Variants in AGR2 observed in about 807,000 individuals in gnomAD.
AGR2 encodes the protein anterior gradient 2, protein disulphide isomerase family member, also known as anterior gradient protein 2 homolog.
In AGR2, 27 loss-of-function variants were observed where a neutral mutation model predicts 25.9. The observed-to-expected ratio is 1.04, with a 90% CI of 0.77 to 1.44. The LOEUF (loss-of-function observed/expected upper bound fraction) is 1.44. AGR2 is among the 40% of genes most tolerant of loss of function. The pLI is 0.00. For missense variants in AGR2, 182 were observed against 200.9 expected (o/e 0.91, Z 0.57); for synonymous variants, 78 against 72.0 (o/e 1.08, Z -0.42).
chr7:16,792,978 G>T, intron 7 of AGR2, 21 bp from the exon 8 acceptor site: 1 of 1,611,050 alleles, frequency 6.2e-7, no homozygotes, highest in Non-Finnish European at 8.5e-7. Flanking sequence ...ATAAAAGCAG[G>T]AGAGTCAAGA....
At chr7:16,798,980 T>C (rs1010580758) in intron 5 of AGR2, among the ~76,000 whole-genome samples, 3 of 152,180 alleles carry the variant, frequency 2.0e-5, no homozygotes, top group Non-Finnish European at 2.9e-5. Context: ...TAGGAATTAT[T>C]AGTGTGTCGG....
chr7:16,793,073 C>CCTTGTCTCAA, intron 7 of AGR2, 116 bp from the exon 8 acceptor site: 5 of 939,270 alleles, frequency 5.3e-6, no homozygotes, highest in Non-Finnish European at 8.3e-6. Context: ...TTTTTTGAGA[C>CCTTGTCTCAA]AAGGTCTCAC....
intron 4 of AGR2, among the ~76,000 whole-genome samples, chr7:16,800,731 G>C (rs1331547134): frequency 6.6e-6 from 1 of 152,088 alleles, no homozygotes; most frequent in African/African-American, 2.4e-5. Context: ...AAAGGGTAGA[G>C]CCCCTTGTTG....
rs931411862 is a variant in AGR2, at chr7:16,801,207, T to C, written c.204-4A>G. The C allele has an allele frequency of 3.1e-6, 5 of 1,613,868 alleles. No homozygotes were observed. Among genetic ancestry groups the C allele is most frequent in the Non-Finnish European group, 4.2e-6 (5 of 1,179,838 alleles). On this transcript the variant is annotated splice_region_variant and splice_polypyrimidine_tract_variant and intron_variant, in intron 3 of 7. Transcript: ENST00000419304. ...AATAATCATCAAGGGTTTGTTGCTT[T>C]AAAAGACAGAGATTAGACAAATTTT...
At position 16,795,038 on chromosome 7, in the gene AGR2, CA is replaced by C. The variant is rs758112259; in HGVS notation, c.395-20del. The stretch of plus-strand genomic sequence containing the variant: ...GATGGGTCTGCAAAGATAAATGAAG[CA>C]AAAGGGAATGGAATGGTTTGTTTTC... On this transcript the variant is annotated intron_variant, in intron 6 of 7. Coordinates refer to ENST00000419304, the MANE Select transcript of AGR2 (RefSeq NM_006408.4). The C allele has an allele frequency of 1.9e-6, 3 of 1,613,188 alleles. No homozygotes were observed. Among genetic ancestry groups the C allele is most frequent in the Non-Finnish European group, 1.7e-6 (2 of 1,179,194 alleles).
At chr7:16,797,731 G>T (rs2115355287) in intron 5 of AGR2, 37 bp from the exon 6 acceptor site, 2 of 1,580,344 alleles carry the variant, frequency 1.3e-6, no homozygotes, top group Non-Finnish European at 1.7e-6. Context: ...AGTTTACTTT[G>T]ACTTTTCAGT....
intron 6 of AGR2, among the ~76,000 whole-genome samples, chr7:16,795,273 T>C (rs1050771781): frequency 7.3e-5 from 11 of 151,446 alleles, no homozygotes; most frequent in African/African-American, 1.9e-4. Context: ...GTTCTATCTA[T>C]GGCAACCTGA....
intron 3 of AGR2, 35 bp from the exon 4 acceptor site, chr7:16,801,238 G>C: frequency 4.3e-6 from 7 of 1,610,142 alleles, no homozygotes; most frequent in Non-Finnish European, 5.9e-6. Context: ...ATTTTAATGA[G>C]TAAGATTTCA....
intron 5 of AGR2, among the ~76,000 whole-genome samples, chr7:16,798,315 A>G (rs1254391860): frequency 6.6e-6 from 1 of 152,184 alleles, no homozygotes; most frequent in African/African-American, 2.4e-5. Context: ...AACAGGAGTC[A>G]GTTAGGTGGA....
chr7:16,796,034 C>T (rs1562526341), intron 6 of AGR2, among the ~76,000 whole-genome samples: 1 of 152,216 alleles, frequency 6.6e-6, no homozygotes, highest in Non-Finnish European at 1.5e-5. Flanking sequence ...CAACTAGCAG[C>T]TCACCTGGCT....
intron 5 of AGR2, among the ~76,000 whole-genome samples, chr7:16,798,430 G>C (rs142609588): frequency 1.2e-4 from 18 of 152,286 alleles, no homozygotes; most frequent in African/African-American, 4.1e-4. Context: ...GGATGCACGA[G>C]GGCAGTGGCG....
intron 4 of AGR2, among the ~76,000 whole-genome samples, 154 bp from the exon 5 acceptor site, chr7:16,799,971 T>C (rs1277039033): frequency 6.6e-6 from 1 of 152,248 alleles, no homozygotes; most frequent in Non-Finnish European, 1.5e-5. Context: ...AGTGAAGTAA[T>C]ATCTATGGCA....
chr7:16,797,505 G>C, intron 6 of AGR2, 126 bp downstream of exon 6: 3 of 683,844 alleles, frequency 4.4e-6, no homozygotes, highest in Non-Finnish European at 7.5e-6. Flanking sequence ...GGAATGTCAT[G>C]CTCCTTGCTA....
chr7:16,804,267 T>TACACACACACACAC (rs113991647), intron 1 of AGR2, among the ~76,000 whole-genome samples: 12 of 107,490 alleles, frequency 1.1e-4, no homozygotes, highest in African/African-American at 3.8e-4. Context: ...CAGACATAGG[T>TACACACACACACAC]ACACACACAC....
chr7:16,795,239 G>T (rs1476180589), intron 6 of AGR2, among the ~76,000 whole-genome samples: 1 of 151,810 alleles, frequency 6.6e-6, no homozygotes, highest in African/African-American at 2.4e-5. Context: ...AGTGCTATTT[G>T]TGGAAAAGGT....
At chr7:16,801,593 C>G (rs1340585532) in intron 2 of AGR2, 65 bp downstream of exon 2, 1 of 1,602,766 alleles carries the variant, frequency 6.2e-7, no homozygotes, top group South Asian at 1.1e-5. Flanking sequence ...GGTTTAAGCA[C>G]CAAGAGAGAG....
At chr7:16,795,045 G>A (rs576133096) in intron 6 of AGR2, 26 bp from the exon 7 acceptor site, 3 of 1,612,022 alleles carry the variant, frequency 1.9e-6, no homozygotes, top group Non-Finnish European at 2.5e-6. Context: ...AAGCAAAAGG[G>A]AATGGAATGG....
rs139992916 is a variant in AGR2 at position 16,801,779 on chromosome 7, C to T, written c.18G>A (p.Val6=). MEKIP[V]SAFLLLVALS... is the part of the protein sequence containing the mutation. ...GGGCCACAAGGAGCAAGAATGCTGA[C>T]ACTGGAATTTTCTCCATGGCAACTC... The change falls in exon 2 of 8, where the codon GTG becomes GTA. Residue 6 remains valine, a synonymous_variant. Coordinates refer to ENST00000419304, the MANE Select transcript of AGR2 (RefSeq NM_006408.4). The T allele has an allele frequency of 1.2e-6, 2 of 1,608,530 alleles. No individual in the cohort carries two copies. Among genetic ancestry groups the T allele is most frequent in the South Asian group, 2.2e-5 (2 of 90,796 alleles).
chr7:16,795,688 A>G (rs1785033523), intron 6 of AGR2, among the ~76,000 whole-genome samples: 1 of 152,186 alleles, frequency 6.6e-6, no homozygotes, highest in Non-Finnish European at 1.5e-5. Flanking sequence ...TTTAAAATTA[A>G]GGTGCATCCA....
Sources: gnomAD v4.1 joint callset for allele counts (sites outside exome capture counted in the v4.1 genomes callset) on GRCh38, gnomAD v4.1.1 for gene constraint, MANE v1.5 for transcripts, NCBI Gene and HGNC (gene_info 2026-07-23, HGNC 2026-07-21) for gene names.